Variants in CDH13 observed in about 807,000 individuals in gnomAD.
The protein encoded by CDH13 is cadherin 13, also known as cadherin-13.
CDH13 carries 24 observed loss-of-function variants against 63.8 expected under a neutral mutation model. That is an observed-to-expected ratio of 0.38 (90% CI 0.27 to 0.53). CDH13 has a LOEUF of 0.53. CDH13 is among the 20% of genes least tolerant of loss of function. The pLI, the probability that CDH13 is intolerant of heterozygous loss-of-function variation, is 0.85. For synonymous variants in CDH13, 503 were observed against 355.3 expected (o/e 1.42, Z -4.67); for missense variants, 1,049 against 903.1 (o/e 1.16, Z -2.07).
chr16:83,045,634 T>TAAAAAAAAAAAAAAAAAA (rs71382861), intron 3 of CDH13, among the ~76,000 whole-genome samples: 14 of 107,912 alleles, frequency 1.3e-4, no homozygotes, highest in African/African-American at 4.4e-4. Context: ...AAGATTCCTT[T>TAAAAAAAAAAAAAAAAAA]AAAAAAAAAA....
chr16:83,097,116 C>G (rs1219030883), intron 3 of CDH13, among the ~76,000 whole-genome samples: 1 of 152,134 alleles, frequency 6.6e-6, no homozygotes, highest in Non-Finnish European at 1.5e-5. Context: ...CTCAGTTTTT[C>G]TCAACAAAAT....
At chr16:83,300,032 T>C (rs879261931) in intron 5 of CDH13, among the ~76,000 whole-genome samples, 3 of 152,184 alleles carry the variant, frequency 2.0e-5, no homozygotes, top group Non-Finnish European at 2.9e-5. Flanking sequence ...GTCACAGGAG[T>C]AATATCCCAT....
chr16:82,976,804 C>G (rs1214843326), intron 2 of CDH13, among the ~76,000 whole-genome samples: 2 of 152,224 alleles, frequency 1.3e-5, no homozygotes, highest in Non-Finnish European at 2.9e-5. Context: ...CTGCCTGGAA[C>G]TCAGCTAGCT....
intron 4 of CDH13, among the ~76,000 whole-genome samples, chr16:83,201,726 T>C (rs2039036406): frequency 1.4e-5 from 2 of 147,964 alleles, no homozygotes; most frequent in Non-Finnish European, 3.0e-5. Context: ...TGAAACCCCG[T>C]CTCTAATAAA....
At chr16:83,386,060 C>G (rs558006674) in intron 6 of CDH13, among the ~76,000 whole-genome samples, 33 of 152,288 alleles carry the variant, frequency 2.2e-4, no homozygotes, top group African/African-American at 7.7e-4. Context: ...GTTTCCTCAT[C>G]TGAAAATAGA....
At chr16:82,681,918 C>G (rs1914593208) in intron 1 of CDH13, among the ~76,000 whole-genome samples, 1 of 152,232 alleles carries the variant, frequency 6.6e-6, no homozygotes, top group African/African-American at 2.4e-5. Flanking sequence ...CTCCAGTTGC[C>G]TGCAGCAGTT....
At chr16:83,455,603 C>T (rs1343298351) in intron 6 of CDH13, among the ~76,000 whole-genome samples, 2 of 152,154 alleles carry the variant, frequency 1.3e-5, no homozygotes, top group African/African-American at 4.8e-5. Flanking sequence ...CTTCCAGCTG[C>T]GTTTTCCTCA....
chr16:82,800,764 A>G (rs1247735655), intron 1 of CDH13, among the ~76,000 whole-genome samples: 1 of 152,192 alleles, frequency 6.6e-6, no homozygotes, highest in African/African-American at 2.4e-5. Context: ...AGGAATAGTG[A>G]TCCTGTGCTA....
intron 7 of CDH13, among the ~76,000 whole-genome samples, chr16:83,536,813 G>GA (rs941990925): frequency 6.6e-6 from 1 of 152,176 alleles, no homozygotes; most frequent in Non-Finnish European, 1.5e-5. Context: ...GTTTAGGAGA[G>GA]AAAATCAACA....
intron 10 of CDH13, among the ~76,000 whole-genome samples, chr16:83,684,228 A>G (rs1331045939): frequency 6.6e-6 from 1 of 152,106 alleles, no homozygotes; most frequent in Admixed American, 6.5e-5. Context: ...TTAGCTGGGC[A>G]TGGTGGTGTA....
At position 82,792,470 on chromosome 16, in the gene CDH13, C is replaced by G. The variant is rs190786653; in HGVS notation, c.46-65892C>G. Among the ~76,000 whole-genome samples, 16 of 152,280 alleles carry G rather than the reference C, an allele frequency of 1.1e-4. No homozygotes were observed. The East Asian group carries it at 2.7e-3, about 26-fold the overall frequency. ...ATCTGCATGTGTGCAAGTCCCAATACACAATTCAGTACAATTCTGGGGGTT... is the reference window on the plus strand; with the variant it reads ...ATCTGCATGTGTGCAAGTCCCAATAGACAATTCAGTACAATTCTGGGGGTT... On this transcript the variant is annotated intron_variant, in intron 1 of 13. Transcript: ENST00000567109.
chr16:83,617,112 C>A (rs1041824278), intron 8 of CDH13, among the ~76,000 whole-genome samples: 1 of 152,184 alleles, frequency 6.6e-6, no homozygotes, highest in Non-Finnish European at 1.5e-5. Flanking sequence ...GACTCACAAC[C>A]CCTCTCCCTA....
intron 2 of CDH13, among the ~76,000 whole-genome samples, chr16:82,933,733 T>C (rs1309421978): frequency 6.6e-6 from 1 of 152,204 alleles, no homozygotes; most frequent in African/African-American, 2.4e-5. Context: ...AATATGCTCA[T>C]TCCAAATGGG....
intron 8 of CDH13, among the ~76,000 whole-genome samples, chr16:83,667,050 G>C (rs1367224754): frequency 6.6e-6 from 1 of 151,154 alleles, no homozygotes; most frequent in Admixed American, 6.6e-5. Context: ...TGAATGGAAG[G>C]ATGGATGGAT....
intron 1 of CDH13, chr16:82,824,714 C>G (rs917413262): frequency 6.6e-6 from 1 of 151,938 alleles, no homozygotes; most frequent in Non-Finnish European, 1.5e-5. Context: ...GTTGCAAAGA[C>G]AAAAGAATTA....
intron 1 of CDH13, among the ~76,000 whole-genome samples, chr16:82,792,291 C>T (rs1455164561): frequency 6.6e-6 from 1 of 152,162 alleles, no homozygotes; most frequent in East Asian, 1.9e-4. Context: ...CTCATTCAAT[C>T]ATTTAGCACC....
chr16:83,148,144 G>T (rs956553389), intron 4 of CDH13, among the ~76,000 whole-genome samples: 1 of 152,236 alleles, frequency 6.6e-6, no homozygotes, highest in South Asian at 2.1e-4. Flanking sequence ...CACCATTTTG[G>T]CCAGGCTGAT....
chr16:83,077,254 G>A (rs1453501459), intron 3 of CDH13, among the ~76,000 whole-genome samples: 1 of 116,438 alleles, frequency 8.6e-6, no homozygotes, highest in Non-Finnish European at 1.6e-5. Context: ...GAACAGTGAT[G>A]CAGTCTTGGC....
chr16:82,737,867 T>C lies in CDH13; in HGVS notation c.45+110730T>C, dbSNP rs759430406. ...ATACAGTGTGATGAGTTTGGATATA[T>C]ACAAGCACTGGTGAAACCATCAGCT... On this transcript the variant is annotated intron_variant, in intron 1 of 13. Coordinates refer to ENST00000567109, the MANE Select transcript of CDH13 (RefSeq NM_001257.5). 3.9e-5 allele frequency among the ~76,000 whole-genome samples: 6 copies of C among 152,246 alleles called. 1 individual carries two copies. The highest frequency in any genetic ancestry group is 4.1e-4 in the South Asian group (2 of 4,834).
Sources: gnomAD v4.1 joint callset for allele counts (sites outside exome capture counted in the v4.1 genomes callset) on GRCh38, gnomAD v4.1.1 for gene constraint, MANE v1.5 for transcripts, NCBI Gene and HGNC (gene_info 2026-07-23, HGNC 2026-07-21) for gene names.